GC: variants seen among roughly 807,000 people sequenced by gnomAD.
GC encodes vitamin D-binding protein.
GC carries 43 observed loss-of-function variants against 56.7 expected under a neutral mutation model. The observed-to-expected ratio is 0.76, with a 90% CI of 0.59 to 0.98. The LOEUF (loss-of-function observed/expected upper bound fraction) is 0.98. Among genes scored for constraint, GC ranks in the 50% least tolerant of loss-of-function variants. The probability of loss-of-function intolerance (pLI) is 0.00; values close to 1 mark genes in which losing one functional copy is unlikely to be tolerated. For missense variants in GC, 529 were observed against 545.9 expected, an observed-to-expected ratio of 0.97 and a Z score of 0.31; for synonymous variants, 216 against 202.7, an observed-to-expected ratio of 1.07 and a Z score of -0.56.
chr4:71,746,063 T>C (rs1741352424), intron 12 of GC, 88 bp downstream of exon 12: 8 of 688,914 alleles, frequency 1.2e-5, no homozygotes, highest in Non-Finnish European at 2.1e-5. Context: ...AGAATAAATT[T>C]ATTAAAGTCT....
At chr4:71,789,556 G>A (rs1742922600) in intron 1 of GC, among the ~76,000 whole-genome samples, 1 of 151,854 alleles carries the variant, frequency 6.6e-6, no homozygotes, top group Admixed American at 6.6e-5. Flanking sequence ...TCTCTATACT[G>A]AAGGAGAAAT....
intron 1 of GC, among the ~76,000 whole-genome samples, chr4:71,781,846 T>G (rs959601394): frequency 1.7e-4 from 26 of 151,806 alleles, no homozygotes; most frequent in Non-Finnish European, 2.9e-5. Flanking sequence ...TGCTGTTTGA[T>G]AGGAGAGGGC....
At chr4:71,749,363 G>A (rs1441959449) in intron 11 of GC, among the ~76,000 whole-genome samples, 1 of 152,064 alleles carries the variant, frequency 6.6e-6, no homozygotes. Flanking sequence ...AAAAACCAGG[G>A]GCTTTTAGGA....
intron 1 of GC, among the ~76,000 whole-genome samples, chr4:71,779,232 G>A (rs1376625468): frequency 6.6e-6 from 1 of 151,822 alleles, no homozygotes; most frequent in Non-Finnish European, 1.5e-5. Flanking sequence ...CACAAGGCTT[G>A]CATTCTATAT....
At position 71,768,311 on chromosome 4, in the gene GC, T is replaced by C. The variant is rs758681756; in HGVS notation, c.251A>G (p.Tyr84Cys). The change falls in exon 3 of 13, where the codon TAT becomes TGT. Residue 84 changes from tyrosine to cysteine, a missense_variant. Tyr to Cys is a radical substitution (Grantham distance 194). Transcript: ENST00000273951. ...CCAEGADPDC[Y>C]DTRTSALSAK... ...GCCACAGAAACCTACCCTGGTGTCA[T>C]AGCAGTCAGGGTCAGCCCCTTCCGC... The C allele has an allele frequency of 1.9e-6, 3 of 1,607,290 alleles. No homozygotes were observed. The highest frequency in any genetic ancestry group is 1.1e-5 in the South Asian group (1 of 89,984).
At chr4:71,753,431 T>C (rs16845007) in intron 10 of GC, among the ~76,000 whole-genome samples, 11,097 of 148,030 alleles carry the variant, frequency 0.075, 974 homozygotes, top group African/African-American at 0.22. Context: ...TTGAAACAAG[T>C]AGGTTTGAGC....
At chr4:71,792,291 A>T (rs1385982362) in intron 1 of GC, among the ~76,000 whole-genome samples, 2 of 152,180 alleles carry the variant, frequency 1.3e-5, no homozygotes, top group East Asian at 1.9e-4. Context: ...AACAGTGTAA[A>T]AGCATTCCTA....
chr4:71,762,198 T>C (rs1019796876), intron 6 of GC, among the ~76,000 whole-genome samples: 1 of 152,182 alleles, frequency 6.6e-6, no homozygotes, highest in African/African-American at 2.4e-5. Context: ...TGCAGCAACG[T>C]GAGCTGGATA....
In GC at chr4:71,754,485, T is replaced by C. The variant is rs1741652945; in HGVS notation, c.1188A>G (p.Leu396=). 3.2e-6 allele frequency: 5 copies of C among 1,571,448 alleles called. No individual in the cohort carries two copies. The highest frequency in any genetic ancestry group is 4.4e-6 in the Non-Finnish European group (5 of 1,142,340). The change falls in exon 10 of 13, where the codon CTA becomes CTG. Residue 396 remains leucine, a synonymous_variant. Transcript: ENST00000273951. ...CTTGTCCCTTGTCAATGAAAGAAGA[T>C]AGTTCCTTCTTTAGTAGAGGGCCCT... is the stretch of plus-strand genomic sequence containing the variant. ...NAKGPLLKKE[L]SSFIDKGQEL... is the part of the protein sequence containing the mutation.
chr4:71,781,355 T>C (rs1742673599), intron 1 of GC, among the ~76,000 whole-genome samples: 1 of 151,686 alleles, frequency 6.6e-6, no homozygotes, highest in Non-Finnish European at 1.5e-5. Context: ...CTGCACATTG[T>C]GCACATGTAC....
upstream of GC, among the ~76,000 whole-genome samples, chr4:71,785,125 C>G (rs1351973874): frequency 1.3e-5 from 2 of 151,698 alleles, no homozygotes; most frequent in African/African-American, 4.8e-5. Context: ...TTTCATTTTC[C>G]TCATATGCAA....
chr4:71,784,118 G>A (rs908729144), upstream of GC: 2 of 1,488,264 alleles, frequency 1.3e-6, no homozygotes, highest in South Asian at 1.5e-5. Context: ...AAAGATTCCT[G>A]ACTATGAATT....
chr4:71,803,999 A>C, exon 1 of GC: 4 of 1,119,168 alleles, frequency 3.6e-6, no homozygotes, highest in Non-Finnish European at 5.2e-6. Flanking sequence ...ATAGGTAGAT[A>C]TCATTCTCCT....
chr4:71,769,663 T>C (rs1742283920), intron 1 of GC: 2 of 349,938 alleles, frequency 5.7e-6, no homozygotes, highest in Non-Finnish European at 1.1e-5. Flanking sequence ...AGTCAAATGA[T>C]ACATGTCAAC....
At chr4:71,768,244 C>T in intron 3 of GC, 57 bp downstream of exon 3, 1 of 1,467,370 alleles carries the variant, frequency 6.8e-7, no homozygotes, top group East Asian at 2.4e-5. Flanking sequence ...GGTATAAAGG[C>T]CTATTTTGGC....
intron 1 of GC, among the ~76,000 whole-genome samples, chr4:71,800,350 T>C (rs1743219618): frequency 1.3e-5 from 2 of 152,102 alleles, no homozygotes; most frequent in South Asian, 4.1e-4. Context: ...TCTGTTCCTA[T>C]GTTAGTTTGC....
intron 11 of GC, among the ~76,000 whole-genome samples, chr4:71,746,772 T>TAAAAAA (rs34865299): frequency 1.4e-4 from 14 of 100,624 alleles, no homozygotes; most frequent in East Asian, 1.0e-3. Context: ...CTCTATTTTG[T>TAAAAAA]AAAAAAAAAA....
In GC at chr4:71,777,380, C is replaced by T. The variant is rs114585970; in HGVS notation, c.58+6581G>A. ...TTTGTCTTAGTAAGGCTAAAGAGAG[C>T]CTTTTAAACAAATAAATTAATAATG... On this transcript the variant is annotated intron_variant, in intron 1 of 12. Transcript: ENST00000273951. Among the ~76,000 whole-genome samples the T allele has an allele frequency of 5.8e-3, 880 of 151,282 alleles. 4 individuals carry two copies. Among genetic ancestry groups the T allele is most frequent in the Non-Finnish European group, 9.7e-3 (658 of 67,714 alleles).
intron 1 of GC, 24 bp from the exon 2 acceptor site, chr4:71,769,424 T>C (rs762843503): frequency 2.7e-6 from 4 of 1,483,248 alleles, no homozygotes; most frequent in Non-Finnish European, 2.8e-6. Flanking sequence ...ATAGAAAAAT[T>C]TGTATGTGTC....
Sources: gnomAD v4.1 joint callset for allele counts (sites outside exome capture counted in the v4.1 genomes callset) on GRCh38, gnomAD v4.1.1 for gene constraint, MANE v1.5 for transcripts, NCBI Gene and HGNC (gene_info 2026-07-23, HGNC 2026-07-21) for gene names.